The following UBE2E2 variants were observed in gnomAD, a reference collection of about 807,000 sequenced individuals.
UBE2E2 encodes ubiquitin conjugating enzyme E2 E2.
In UBE2E2, 6 loss-of-function variants were observed where a neutral mutation model predicts 24.7. The observed-to-expected ratio is 0.24, with a 90% confidence interval of 0.13 to 0.48. UBE2E2 has a LOEUF of 0.48. Among genes scored for constraint, UBE2E2 ranks in the 20% least tolerant of loss-of-function variants. UBE2E2 has a pLI of 0.99. For missense variants in UBE2E2, 169 were observed against 245.0 expected (o/e 0.69, Z 2.07); for synonymous variants, 104 against 83.6 (o/e 1.24, Z -1.33).
At chr3:23,224,974 T>A (rs992293140) in intron 3 of UBE2E2, among the ~76,000 whole-genome samples, 15 of 151,940 alleles carry the variant, frequency 9.9e-5, no homozygotes, top group Non-Finnish European at 1.9e-4. Flanking sequence ...TTTTTTTTTT[T>A]AATGATAGCT....
At chr3:23,370,735 C>G (rs1411829541) in intron 3 of UBE2E2, among the ~76,000 whole-genome samples, 2 of 152,074 alleles carry the variant, frequency 1.3e-5, no homozygotes, top group Admixed American at 1.3e-4. Flanking sequence ...AGCTAGATCT[C>G]CTGGATTCAT....
At chr3:23,491,580 G>A (rs536285195) in intron 3 of UBE2E2, among the ~76,000 whole-genome samples, 120 of 152,316 alleles carry the variant, frequency 7.9e-4, no homozygotes, top group African/African-American at 2.8e-3. Flanking sequence ...TGAAAGCTCT[G>A]CAAGTAATTC....
intron 3 of UBE2E2, among the ~76,000 whole-genome samples, chr3:23,282,386 A>G (rs1277070233): frequency 2.0e-5 from 3 of 152,162 alleles, no homozygotes; most frequent in Non-Finnish European, 4.4e-5. Flanking sequence ...ATCAGTTTCT[A>G]TCTTATTATG....
chr3:23,221,825 C>T (rs528163784), intron 3 of UBE2E2, among the ~76,000 whole-genome samples: 4 of 152,054 alleles, frequency 2.6e-5, no homozygotes, highest in African/African-American at 4.8e-5. Flanking sequence ...TTAGTAGAGA[C>T]GGGGTTTCAC....
intron 3 of UBE2E2, among the ~76,000 whole-genome samples, chr3:23,353,166 C>T (rs1229088459): frequency 6.6e-6 from 1 of 152,140 alleles, no homozygotes; most frequent in Non-Finnish European, 1.5e-5. Context: ...GCAGAAAAGG[C>T]CTTTGACAAA....
chr3:23,518,405 T>A (rs1694790142), intron 4 of UBE2E2, among the ~76,000 whole-genome samples: 1 of 152,242 alleles, frequency 6.6e-6, no homozygotes, highest in African/African-American at 2.4e-5. Context: ...CTCATAATAC[T>A]ACATATTCCT....
chr3:23,225,036 C>CTGATGGA (rs146022045), intron 3 of UBE2E2, among the ~76,000 whole-genome samples: 10,271 of 150,290 alleles, frequency 0.068, 483 homozygotes, highest in Non-Finnish European at 0.092. Context: ...TTGCATTATT[C>CTGATGGA]TGATGGATGA....
intron 3 of UBE2E2, among the ~76,000 whole-genome samples, chr3:23,321,374 G>A (rs540473648): frequency 1.5e-4 from 23 of 152,110 alleles, no homozygotes; most frequent in African/African-American, 5.3e-4. Context: ...TTGTGAAGAC[G>A]ATAGAAACTG....
At chr3:23,332,246 G>A (rs757011373) in intron 3 of UBE2E2, among the ~76,000 whole-genome samples, 9 of 151,912 alleles carry the variant, frequency 5.9e-5, no homozygotes, top group African/African-American at 9.7e-5. Flanking sequence ...CCTGGGCATC[G>A]ATCCTCCTAC....
intron 5 of UBE2E2, among the ~76,000 whole-genome samples, chr3:23,566,752 C>T (rs1559424176): frequency 6.6e-6 from 1 of 152,140 alleles, no homozygotes; most frequent in Non-Finnish European, 1.5e-5. Flanking sequence ...CCCCCCTGAC[C>T]CCAACACCTG....
rs1414441600 is a variant in UBE2E2, at chr3:23,589,394, G to C, written c.509-340G>C. Among the ~76,000 whole-genome samples the C allele has an allele frequency of 1.3e-5, 2 of 151,000 alleles. No homozygotes were observed. Among genetic ancestry groups the C allele is most frequent in the Admixed American group, 6.6e-5 (1 of 15,176 alleles). Reference sequence around the variant, plus strand: ...GCTGTGATCATGCCACTGCACTCTAGCCTGAGTGACAGAGCAACACCCTGT... The same window carrying C: ...GCTGTGATCATGCCACTGCACTCTACCCTGAGTGACAGAGCAACACCCTGT... On this transcript the variant is annotated intron_variant, in intron 5 of 5. Coordinates refer to ENST00000396703, the MANE Select transcript of UBE2E2 (RefSeq NM_152653.4). This position sits in a 1 kb window ranked among gnomAD's most constrained non-coding sequence, Gnocchi z 4.1.
intron 4 of UBE2E2, among the ~76,000 whole-genome samples, chr3:23,503,100 A>G: frequency 6.6e-6 from 1 of 151,624 alleles, no homozygotes; most frequent in African/African-American, 2.4e-5. Flanking sequence ...CATATGTTTT[A>G]ATGTTTTCAT....
chr3:23,429,301 C>G (rs1698000743), intron 3 of UBE2E2, among the ~76,000 whole-genome samples: 1 of 152,116 alleles, frequency 6.6e-6, no homozygotes, highest in African/African-American at 2.4e-5. Context: ...GGCCACCATC[C>G]TAATACCAAA....
At chr3:23,293,774 G>A (rs897520781) in intron 3 of UBE2E2, among the ~76,000 whole-genome samples, 1 of 152,102 alleles carries the variant, frequency 6.6e-6, no homozygotes, top group Non-Finnish European at 1.5e-5. Context: ...AGTAAGGTAG[G>A]AGATATACTT....
intron 3 of UBE2E2, among the ~76,000 whole-genome samples, chr3:23,458,707 G>A (rs1045908543): frequency 1.3e-5 from 2 of 152,042 alleles, no homozygotes; most frequent in African/African-American, 2.4e-5. Flanking sequence ...GTGAGCCACC[G>A]CGCCTGGCCA....
At chr3:23,519,654 T>G (rs1009601545) in intron 4 of UBE2E2, among the ~76,000 whole-genome samples, 11 of 152,242 alleles carry the variant, frequency 7.2e-5, no homozygotes, top group African/African-American at 2.6e-4. Flanking sequence ...ATAGTAATAG[T>G]GAATATATAT....
intron 3 of UBE2E2, among the ~76,000 whole-genome samples, chr3:23,253,478 A>G (rs749873268): frequency 6.6e-6 from 1 of 152,256 alleles, no homozygotes; most frequent in Non-Finnish European, 1.5e-5. Flanking sequence ...AAGAAATTGT[A>G]CATAGTGCTG....
At chr3:23,522,576 T>G (rs1694894521) in intron 4 of UBE2E2, among the ~76,000 whole-genome samples, 1 of 151,852 alleles carries the variant, frequency 6.6e-6, no homozygotes, top group African/African-American at 2.4e-5. Flanking sequence ...ACCCCTCCAC[T>G]TTTTTTTAAC....
At chr3:23,354,237 C>T (rs1043696766) in intron 3 of UBE2E2, among the ~76,000 whole-genome samples, 1 of 151,948 alleles carries the variant, frequency 6.6e-6, no homozygotes, top group South Asian at 2.1e-4. Context: ...AAAATTAATT[C>T]AAGATGGATT....
Sources: allele counts gnomAD v4.1 joint callset (sites outside exome capture counted in the v4.1 genomes callset), GRCh38; gene constraint gnomAD v4.1.1; non-coding constraint Gnocchi (gnomAD v3.1); transcripts MANE v1.5; gene names NCBI Gene and HGNC (gene_info 2026-07-23, HGNC 2026-07-21).